Variants in HERC4 observed in about 807,000 individuals in gnomAD.
The protein encoded by HERC4 is HECT and RLD domain containing E3 ubiquitin protein ligase 4.
In HERC4, 28 loss-of-function variants were observed where a neutral mutation model predicts 124.3. The ratio of observed to expected loss-of-function variants is 0.23; its 90% CI spans 0.17 to 0.31. HERC4 has a LOEUF of 0.31. HERC4 is among the 10% of genes least tolerant of loss of function. HERC4 has a pLI of 1.00. For missense variants in HERC4, 713 were observed against 1,229.3 expected, an observed-to-expected ratio of 0.58 and a Z score of 6.28; for synonymous variants, 407 against 421.5, an observed-to-expected ratio of 0.97 and a Z score of 0.42.
At chr10:68,046,292 A>G (rs1173170742) in intron 3 of HERC4, among the ~76,000 whole-genome samples, 1 of 152,238 alleles carries the variant, frequency 6.6e-6, no homozygotes, top group African/African-American at 2.4e-5. Context: ...AGGAAGTAGC[A>G]GAAAATGATA....
At chr10:68,069,455 C>A in intron 3 of HERC4, 1 of 985,238 alleles carries the variant, frequency 1.0e-6, no homozygotes, top group Non-Finnish European at 1.2e-6. Context: ...ATAATCTGCA[C>A]CTTTAGTATA....
intron 3 of HERC4, chr10:68,067,810 T>A (rs2041369814): frequency 6.6e-6 from 1 of 152,174 alleles, no homozygotes; most frequent in Non-Finnish European, 1.5e-5. Flanking sequence ...CCACAATAAA[T>A]TTTATCATAC....
chr10:67,930,580 A>G (rs2031687333), intron 23 of HERC4, among the ~76,000 whole-genome samples: 1 of 152,240 alleles, frequency 6.6e-6, no homozygotes, highest in Non-Finnish European at 1.5e-5. Context: ...TATGACTGAC[A>G]TAAAAAGTAG....
At chr10:67,977,020 G>T (rs2035633016) in intron 15 of HERC4, among the ~76,000 whole-genome samples, 1 of 152,184 alleles carries the variant, frequency 6.6e-6, no homozygotes, top group African/African-American at 2.4e-5. Context: ...GCAGAACTGG[G>T]CCCAGAGCCA....
At position 67,922,884 on chromosome 10, in the gene HERC4, A is replaced by G; in HGVS notation, c.*47T>C. ...AATTCATCACCACAAGAAAAACACA[A>G]ATAGTTTAATGCTTTTGCACTAAAC... On this transcript the variant is annotated 3_prime_UTR_variant, in exon 25 of 25. Transcript: ENST00000373700. The G allele has an allele frequency of 7.7e-7, 1 of 1,294,114 alleles. No homozygotes were observed. The highest frequency in any genetic ancestry group is 1.1e-6 in the Non-Finnish European group (1 of 922,514). The allele number at this position is 1,294,114 out of a possible 1,614,324, so 80.2% of individuals were successfully genotyped here.
chr10:67,984,246 G>T (rs1483679049), intron 15 of HERC4, among the ~76,000 whole-genome samples: 1 of 149,564 alleles, frequency 6.7e-6, no homozygotes, highest in Non-Finnish European at 1.5e-5. Context: ...AGGCTGCAGT[G>T]AGCCAAGATC....
In HERC4 at chr10:68,037,315, T is replaced by C. The variant is rs192273898; in HGVS notation, c.463+778A>G. Among the ~76,000 whole-genome samples the C allele has an allele frequency of 4.2e-3, 638 of 152,146 alleles. 4 individuals are homozygous for C. Among genetic ancestry groups the C allele is most frequent in the African/African-American group, 0.015 (610 of 41,512 alleles). ...TTTACCATGTTGGCCAGGCTGGTCT[T>C]GAACTCCTGAACTCAGGTGATCTGC... On this transcript the variant is annotated intron_variant, in intron 5 of 24. Transcript: ENST00000373700.
chr10:68,008,096 C>G lies in HERC4; in HGVS notation c.1069+5930G>C, dbSNP rs566517410. On this transcript the variant is annotated intron_variant, in intron 9 of 24. Coordinates refer to ENST00000373700, the MANE Select transcript of HERC4 (RefSeq NM_015601.4). ...AGATCTGGGAGAATTCCCTGGATTA[C>G]TAGGCAGAGTCTCTTGTTCTTCTCC... 2.0e-5 allele frequency: 3 copies of G among 152,346 alleles called. No homozygotes were observed. The East Asian group carries it at 5.8e-4, about 29-fold the overall frequency. The allele number at this position is 152,346 out of a possible 1,614,324, so 9.4% of individuals were successfully genotyped here.
intron 7 of HERC4, among the ~76,000 whole-genome samples, chr10:68,031,245 G>A (rs571162481): frequency 1.3e-5 from 2 of 152,208 alleles, no homozygotes; most frequent in South Asian, 4.1e-4. Context: ...TAGGATGAAT[G>A]GTTATCTGAA....
intron 1 of HERC4, 69 bp from the exon 2 acceptor site, chr10:68,073,755 T>C (rs905577599): frequency 1.3e-5 from 2 of 152,192 alleles, no homozygotes; most frequent in Admixed American, 6.5e-5. Flanking sequence ...ACTCTCCCAA[T>C]TACTCTTTAG....
intron 8 of HERC4, among the ~76,000 whole-genome samples, chr10:68,022,061 T>C (rs1342127093): frequency 6.6e-6 from 1 of 152,140 alleles, no homozygotes; most frequent in Non-Finnish European, 1.5e-5. Flanking sequence ...AATAAAATTC[T>C]TAGGAATTAA....
At chr10:68,001,704 T>C (rs576123401) in intron 9 of HERC4, among the ~76,000 whole-genome samples, 3 of 152,276 alleles carry the variant, frequency 2.0e-5, no homozygotes, top group African/African-American at 7.2e-5. Context: ...AGAAACCCAT[T>C]AAATGGAAAC....
intron 15 of HERC4, among the ~76,000 whole-genome samples, chr10:67,974,191 G>A (rs893839150): frequency 4.0e-5 from 6 of 150,490 alleles, no homozygotes; most frequent in Non-Finnish European, 7.4e-5. Context: ...CAAGTTACTC[G>A]AGAAACGTTT....
chr10:67,989,892 C>T (rs141721568), intron 14 of HERC4, among the ~76,000 whole-genome samples: 1 of 152,108 alleles, frequency 6.6e-6, no homozygotes, highest in Non-Finnish European at 1.5e-5. Flanking sequence ...ATTGTTCCTC[C>T]TCCTTTACTT....
intron 9 of HERC4, among the ~76,000 whole-genome samples, chr10:67,996,853 C>T (rs753642226): frequency 3.3e-5 from 5 of 151,588 alleles, no homozygotes; most frequent in East Asian, 1.9e-4. Flanking sequence ...CTGGGCGTGG[C>T]GGCAGGTGCC....
At chr10:67,971,011 GAA>G (rs954536614) in intron 15 of HERC4, among the ~76,000 whole-genome samples, 1 of 151,908 alleles carries the variant, frequency 6.6e-6, no homozygotes, top group Non-Finnish European at 1.5e-5. Flanking sequence ...GACTGACCAA[GAA>G]AAAGAGATGA....
At chr10:68,022,500 AAAAT>A (rs34560535) in intron 8 of HERC4, among the ~76,000 whole-genome samples, 2,617 of 143,954 alleles carry the variant, frequency 0.018, 55 homozygotes, top group African/African-American at 0.056. Context: ...ACTCCATCTC[AAAAT>A]AAATAAATAA....
At chr10:68,055,258 T>G (rs2040495295) in intron 3 of HERC4, among the ~76,000 whole-genome samples, 1 of 152,226 alleles carries the variant, frequency 6.6e-6, no homozygotes, top group South Asian at 2.1e-4. Flanking sequence ...ATTAAAATTT[T>G]TATTCCCTCT....
Position 67,939,608 on chromosome 10 carries a change from T to C in HERC4, c.2551A>G (p.Thr851Ala). The change falls in exon 21 of 25, where the codon ACA (threonine) becomes GCA (alanine). Residue 851 changes from threonine to alanine, a missense_variant. Coordinates refer to ENST00000373700, the MANE Select transcript of HERC4 (RefSeq NM_015601.4). ...LDYPEDDIEE[T>A]FCLNFTITVE... ...CTTACCGTAAAATTAAGACAAAATG[T>C]TTCCTCTATGTCATCTTCTGGATAA... 4 of 1,608,926 alleles carry C rather than the reference T, an allele frequency of 2.5e-6. No homozygotes were observed. Among genetic ancestry groups the C allele is most frequent in the Admixed American group, 1.7e-5 (1 of 59,384 alleles).
Sources: gnomAD v4.1 joint callset for allele counts (sites outside exome capture counted in the v4.1 genomes callset) on GRCh38, gnomAD v4.1.1 for gene constraint, MANE v1.5 for transcripts, NCBI Gene and HGNC (gene_info 2026-07-23, HGNC 2026-07-21) for gene names.